Variants in RYK observed in about 807,000 individuals in gnomAD.
RYK encodes receptor like tyrosine kinase.
A neutral mutation model predicts 70.2 loss-of-function variants in RYK; 21 were observed. That is an observed-to-expected ratio of 0.30 (90% confidence interval 0.21 to 0.43). The LOEUF (loss-of-function observed/expected upper bound fraction) is 0.43. Ranked by LOEUF, RYK falls within the 20% of genes least tolerant of loss-of-function variation. The pLI, the probability that RYK is intolerant of heterozygous loss-of-function variation, is 1.00. For synonymous variants in RYK, 267 were observed against 278.0 expected, an observed-to-expected ratio of 0.96 and a Z score of 0.39; for missense variants, 604 against 753.3, an observed-to-expected ratio of 0.80 and a Z score of 2.32.
At chr3:134,180,207 G>A (rs1415033251) in intron 10 of RYK, 1 of 151,990 alleles carries the variant, frequency 6.6e-6, no homozygotes, top group East Asian at 1.9e-4. Flanking sequence ...GCCAATGAAG[G>A]GGCCAAACTA....
intron 1 of RYK, among the ~76,000 whole-genome samples, chr3:134,225,412 A>G: frequency 6.6e-6 from 1 of 152,138 alleles, no homozygotes; most frequent in South Asian, 2.1e-4. Flanking sequence ...TAATGAGTTC[A>G]TATTAATAAA....
chr3:134,248,949 AG>A (rs2015539003), intron 1 of RYK, among the ~76,000 whole-genome samples: 1 of 152,186 alleles, frequency 6.6e-6, no homozygotes, highest in Non-Finnish European at 1.5e-5. Context: ...GGTATATGGC[AG>A]GAATTCAATG....
At chr3:134,179,843 A>AT (rs1215974096) in intron 10 of RYK, 3 of 152,198 alleles carry the variant, frequency 2.0e-5, no homozygotes, top group African/African-American at 7.2e-5. Flanking sequence ...AGTTAAAGAC[A>AT]TTTTATCCAT....
At chr3:134,198,136 T>C (rs2013872424) in intron 6 of RYK, among the ~76,000 whole-genome samples, 1 of 152,230 alleles carries the variant, frequency 6.6e-6, no homozygotes, top group South Asian at 2.1e-4. Flanking sequence ...GAGATTAAAA[T>C]GTATATTTGC....
In RYK at chr3:134,246,724, C is replaced by T. The variant is rs563108624; in HGVS notation, c.232+3699G>A. Among the ~76,000 whole-genome samples, 15 of 152,262 alleles carry T rather than the reference C, an allele frequency of 9.9e-5. No individual in the cohort carries two copies. The South Asian group carries it at 3.1e-3, about 32-fold the overall frequency. On this transcript the variant is annotated intron_variant, in intron 1 of 14. Transcript: ENST00000623711. Reference sequence around the variant, plus strand: ...GATAGATACATTCAGACATTCAAGGCCTCAAGTAATTTATCTCCCATCATT... The same window carrying T: ...GATAGATACATTCAGACATTCAAGGTCTCAAGTAATTTATCTCCCATCATT...
chr3:134,226,829 T>TA (rs1458974733), intron 1 of RYK, among the ~76,000 whole-genome samples: 4 of 152,022 alleles, frequency 2.6e-5, no homozygotes, highest in African/African-American at 7.2e-5. Context: ...TAAAGAACAT[T>TA]AAAAAAACCC....
chr3:134,221,108 G>A (rs1421686220), intron 2 of RYK, among the ~76,000 whole-genome samples: 7 of 150,034 alleles, frequency 4.7e-5, no homozygotes, highest in African/African-American at 7.3e-5. Context: ...TGTTTAAAAA[G>A]GGAAAAAAGG....
chr3:134,191,427 G>A (rs796744105), intron 8 of RYK, among the ~76,000 whole-genome samples: 6 of 152,280 alleles, frequency 3.9e-5, no homozygotes, highest in African/African-American at 1.2e-4. Context: ...AAAGCCACAC[G>A]GAGAATAAAA....
intron 8 of RYK, 83 bp downstream of exon 8, chr3:134,191,765 GA>G (rs1197003207): frequency 9.0e-7 from 1 of 1,111,122 alleles, no homozygotes; most frequent in Non-Finnish European, 1.3e-6. Flanking sequence ...AAAATGAGAT[GA>G]AATTTTTTAA....
chr3:134,201,141 G>A (rs538837630), intron 6 of RYK, among the ~76,000 whole-genome samples: 1 of 152,214 alleles, frequency 6.6e-6, no homozygotes, highest in Admixed American at 6.5e-5. Context: ...TCCCTCAATC[G>A]CTTCCAAATG....
Position 134,195,241 on chromosome 3 carries a change from T to C in RYK, c.789-59A>G, listed in dbSNP as rs1384169452. 4 of 1,240,296 alleles carry C rather than the reference T, an allele frequency of 3.2e-6. No individual in the cohort carries two copies. The Admixed American group carries it at 7.2e-5, about 22-fold the overall frequency. The allele number at this position is 1,240,296 out of a possible 1,614,324, so 76.8% of individuals were successfully genotyped here. ...GTCAGTTTCAATGAGAAATTTCCTT[T>C]TTCCATACATACAAAATGCACATAG... On this transcript the variant is annotated intron_variant, in intron 6 of 14. Transcript: ENST00000623711.
intron 9 of RYK, among the ~76,000 whole-genome samples, chr3:134,184,321 A>G (rs570950957): frequency 2.5e-4 from 38 of 152,316 alleles, no homozygotes; most frequent in Admixed American, 3.3e-4. Flanking sequence ...CAATTTACCA[A>G]TATCTTTAAG....
chr3:134,249,436 C>T (rs2015548598), intron 1 of RYK, among the ~76,000 whole-genome samples: 1 of 152,078 alleles, frequency 6.6e-6, no homozygotes, highest in Non-Finnish European at 1.5e-5. Context: ...CCCTCAAACA[C>T]TCAGAAGCAC....
chr3:134,224,338 G>C (rs759027103), intron 1 of RYK, among the ~76,000 whole-genome samples: 1 of 152,066 alleles, frequency 6.6e-6, no homozygotes, highest in African/African-American at 2.4e-5. Context: ...CTGAGGTGGA[G>C]AGAGAGAGGG....
rs139128139 is a variant in RYK at position 134,246,541 on chromosome 3, C to CA, written c.232+3881dup. 9.2e-3 allele frequency among the ~76,000 whole-genome samples: 1,391 copies of CA among 151,406 alleles called. 60 individuals carry two copies. The highest frequency in any genetic ancestry group is 0.064 in the Admixed American group (980 of 15,224). ...TGCCAGAGAAAAAGAACCTGAGCTT[C>CA]AAAAAAACAGAAAAAAAGAGGCATC... On this transcript the variant is annotated intron_variant, in intron 1 of 14. Transcript: ENST00000623711.
At chr3:134,233,976 C>T (rs2015133713) in intron 1 of RYK, among the ~76,000 whole-genome samples, 1 of 151,972 alleles carries the variant, frequency 6.6e-6, no homozygotes, top group Non-Finnish European at 1.5e-5. Context: ...TATTCATATG[C>T]ATGTTGTGTT....
Position 134,157,850 on chromosome 3 carries a change from A to G in RYK, c.*303T>C, listed in dbSNP as rs2012301580. On this transcript the variant is annotated 3_prime_UTR_variant, in exon 15 of 15. Transcript: ENST00000623711. ...AATATCTGTGTCTAAACAATTTTAA[A>G]AACTGTTTATTTATTTTGTAAGAAT... 2 of 221,124 alleles carry G rather than the reference A, an allele frequency of 9.0e-6. No individual in the cohort carries two copies. Among genetic ancestry groups the G allele is most frequent in the Non-Finnish European group, 1.8e-5 (2 of 114,076 alleles). The allele number at this position is 221,124 out of a possible 1,614,324, so 13.7% of individuals were successfully genotyped here.
Position 134,250,733 on chromosome 3 carries a change from A to G in RYK, c.-79T>C. 2.7e-5 allele frequency: 19 copies of G among 709,786 alleles called. No individual in the cohort carries two copies. The highest frequency in any genetic ancestry group is 6.1e-5 in the South Asian group (1 of 16,522). The allele number at this position is 709,786 out of a possible 1,614,324, so 44.0% of individuals were successfully genotyped here. A position where few individuals can be genotyped will look rare whatever the true frequency, so the allele number is the denominator to read the frequency against. On this transcript the variant is annotated 5_prime_UTR_variant, in exon 1 of 15. Transcript: ENST00000623711. Reference sequence around the variant, plus strand: ...CCACCCCCGGCCCCGAGCCGCTCACAGCCCCGAGCCGGGGGCGGCTGCCCA... The same window carrying G: ...CCACCCCCGGCCCCGAGCCGCTCACGGCCCCGAGCCGGGGGCGGCTGCCCA...
At chr3:134,161,345 G>T (rs1222075475) in intron 13 of RYK, among the ~76,000 whole-genome samples, 1 of 152,146 alleles carries the variant, frequency 6.6e-6, no homozygotes, top group Non-Finnish European at 1.5e-5. Context: ...TGGGCTGGAG[G>T]ATTCTTTGCT....
Sources: allele counts gnomAD v4.1 joint callset (sites outside exome capture counted in the v4.1 genomes callset), GRCh38; gene constraint gnomAD v4.1.1; transcripts MANE v1.5; gene names NCBI Gene and HGNC (gene_info 2026-07-23, HGNC 2026-07-21).